The following CELF4 variants were observed in gnomAD, a reference collection of about 807,000 sequenced individuals.
CELF4 encodes the protein CUGBP Elav-like family member 4.
CELF4 carries 18 observed loss-of-function variants against 59.9 expected under a neutral mutation model. The ratio of observed to expected loss-of-function variants is 0.30; its 90% CI spans 0.21 to 0.45. The LOEUF (loss-of-function observed/expected upper bound fraction) is 0.45, where lower values mean the gene tolerates loss of function less well. Among genes scored for constraint, CELF4 ranks in the 20% least tolerant of loss-of-function variants. The probability of loss-of-function intolerance (pLI) is 1.00; values close to 1 mark genes in which losing one functional copy is unlikely to be tolerated. For missense variants in CELF4, 456 were observed against 689.0 expected, an observed-to-expected ratio of 0.66 and a Z score of 3.79; for synonymous variants, 261 against 267.1, an observed-to-expected ratio of 0.98 and a Z score of 0.22.
intron 3 of CELF4, among the ~76,000 whole-genome samples, chr18:37,311,979 C>T (rs10048353): frequency 0.35 from 52,399 of 148,342 alleles, 8,704 homozygotes; most frequent in South Asian, 0.43. Flanking sequence ...GGCATGGTGG[C>T]GGGCGCCTGT....
intron 2 of CELF4, among the ~76,000 whole-genome samples, chr18:37,368,580 T>C (rs1307825357): frequency 6.6e-6 from 1 of 152,196 alleles, no homozygotes; most frequent in African/African-American, 2.4e-5. Flanking sequence ...TGATTTCAAA[T>C]CCAATTTTCT....
intron 2 of CELF4, among the ~76,000 whole-genome samples, chr18:37,385,578 A>T (rs1603633039): frequency 2.0e-5 from 3 of 150,092 alleles, no homozygotes; most frequent in African/African-American, 7.4e-5. Context: ...CCTCCCCTCC[A>T]CCTCCCCCAG....
chr18:37,364,677 T>C (rs918702653), intron 2 of CELF4, among the ~76,000 whole-genome samples: 3 of 152,252 alleles, frequency 2.0e-5, no homozygotes, highest in Admixed American at 2.0e-4. Flanking sequence ...CTTTTCTGGT[T>C]AGTCCTAAAG....
At chr18:37,484,757 C>G (rs1212501327) in intron 2 of CELF4, among the ~76,000 whole-genome samples, 1 of 152,212 alleles carries the variant, frequency 6.6e-6, no homozygotes, top group Admixed American at 6.5e-5. Flanking sequence ...GGTGTGCATA[C>G]TTATAGAACA....
chr18:37,368,048 G>T (rs893483809), intron 2 of CELF4, among the ~76,000 whole-genome samples: 1 of 152,104 alleles, frequency 6.6e-6, no homozygotes, highest in Non-Finnish European at 1.5e-5. Flanking sequence ...TAAAGAGCCA[G>T]GTTCCAGCAC....
At chr18:37,383,424 A>G (rs140512427) in intron 2 of CELF4, among the ~76,000 whole-genome samples, 2,029 of 152,336 alleles carry the variant, frequency 0.013, 17 homozygotes, top group Non-Finnish European at 0.02. Flanking sequence ...GGAAACCGAG[A>G]GCTTGGGGTG....
intron 2 of CELF4, among the ~76,000 whole-genome samples, chr18:37,347,965 C>A (rs534240806): frequency 6.6e-6 from 1 of 152,162 alleles, no homozygotes; most frequent in African/African-American, 2.4e-5. Flanking sequence ...AAGGGGCCAA[C>A]CAGGTGGCTC....
intron 2 of CELF4, among the ~76,000 whole-genome samples, chr18:37,404,629 C>T (rs976958210): frequency 2.6e-5 from 4 of 152,188 alleles, no homozygotes; most frequent in Non-Finnish European, 5.9e-5. Context: ...TGCTCCAGCA[C>T]TCTCACCCCA....
intron 7 of CELF4, 61 bp downstream of exon 7, chr18:37,272,955 C>T: frequency 1.3e-6 from 2 of 1,524,652 alleles, no homozygotes; most frequent in Non-Finnish European, 1.8e-6. Context: ...AATTAGGTCC[C>T]AGCCTGGGGC....
chr18:37,507,355 T>C (rs2099939263), intron 1 of CELF4, among the ~76,000 whole-genome samples: 1 of 152,156 alleles, frequency 6.6e-6, no homozygotes, highest in African/African-American at 2.4e-5. Flanking sequence ...GGGACAGAAA[T>C]CTCACCTCTC....
chr18:37,547,163 GT>G (rs2099981704), intron 1 of CELF4, among the ~76,000 whole-genome samples: 1 of 140,692 alleles, frequency 7.1e-6, no homozygotes, highest in Non-Finnish European at 1.5e-5. Context: ...TGTGTGTGGT[GT>G]GTGTGTGTGT....
intron 2 of CELF4, among the ~76,000 whole-genome samples, chr18:37,351,825 G>A (rs1477832994): frequency 6.6e-6 from 1 of 151,948 alleles, no homozygotes; most frequent in African/African-American, 2.4e-5. Context: ...TCTTAGCGAG[G>A]CTGGTCTCAT....
At chr18:37,320,068 T>C (rs2097044467) in intron 3 of CELF4, among the ~76,000 whole-genome samples, 1 of 152,186 alleles carries the variant, frequency 6.6e-6, no homozygotes, top group Admixed American at 6.5e-5. Flanking sequence ...CTGGGCGCGG[T>C]GGCTCACGCC....
intron 2 of CELF4, among the ~76,000 whole-genome samples, chr18:37,401,649 G>A (rs2099327811): frequency 1.3e-5 from 2 of 152,170 alleles, no homozygotes; most frequent in African/African-American, 4.8e-5. Flanking sequence ...CCCAGCTCAG[G>A]CAATGTTCTA....
chr18:37,351,520 CT>C (rs752776589), intron 2 of CELF4, among the ~76,000 whole-genome samples: 54 of 152,148 alleles, frequency 3.5e-4, no homozygotes, highest in Admixed American at 1.2e-3. Flanking sequence ...TATGAAAGGG[CT>C]GGTTTTACTT....
intron 3 of CELF4, among the ~76,000 whole-genome samples, chr18:37,301,418 C>A (rs1338258890): frequency 6.6e-6 from 1 of 152,156 alleles, no homozygotes; most frequent in South Asian, 2.1e-4. Context: ...GCCCAGCATA[C>A]CCGGCAAAGA....
intron 8 of CELF4, among the ~76,000 whole-genome samples, chr18:37,270,554 T>G (rs555165709): frequency 3.3e-5 from 5 of 152,332 alleles, no homozygotes; most frequent in African/African-American, 9.6e-5. Context: ...CAGATCAGAA[T>G]GACATATCCC....
intron 8 of CELF4, among the ~76,000 whole-genome samples, chr18:37,270,184 A>G (rs1055585219): frequency 3.5e-5 from 2 of 57,186 alleles, no homozygotes; most frequent in African/African-American, 3.0e-4. Context: ...CGTGTGCCAG[A>G]CTATTTGAAA....
At chr18:37,435,100 G>A (rs987779543) in intron 2 of CELF4, among the ~76,000 whole-genome samples, 1 of 152,072 alleles carries the variant, frequency 6.6e-6, no homozygotes, top group Non-Finnish European at 1.5e-5. Context: ...TTCCCCTTTG[G>A]GGGTAGAGAA....
Sources: allele counts gnomAD v4.1 joint callset (sites outside exome capture counted in the v4.1 genomes callset), GRCh38; gene constraint gnomAD v4.1.1; transcripts MANE v1.5; gene names NCBI Gene and HGNC (gene_info 2026-07-23, HGNC 2026-07-21).